Variants in ZNF224 observed in about 807,000 individuals in gnomAD.
ZNF224 encodes bone marrow zinc finger 2.
In ZNF224, 8 loss-of-function variants were observed where a neutral mutation model predicts 10.5. That is an observed-to-expected ratio of 0.76 (90% confidence interval 0.45 to 1.37). ZNF224 has a LOEUF of 1.37. ZNF224 is among the 40% of genes most tolerant of loss of function. The pLI is 0.00. For synonymous variants in ZNF224, 282 were observed against 287.8 expected, an observed-to-expected ratio of 0.98 and a Z score of 0.20; for missense variants, 754 against 854.0, an observed-to-expected ratio of 0.88 and a Z score of 1.46.
In ZNF224 at chr19:44,109,022, A is replaced by G. The variant is rs1331178855; in HGVS notation, c.*738A>G. ...CCCCCATCCTGTGCTCTGAAGTCAG[A>G]GTATTATTTGTGGCTCTATGAAATG... is the stretch of plus-strand genomic sequence containing the variant. On this transcript the variant is annotated 3_prime_UTR_variant, in exon 6 of 6. Transcript: ENST00000693561. 1.0e-5 allele frequency: 2 copies of G among 198,484 alleles called. No individual in the cohort carries two copies. Among genetic ancestry groups the G allele is most frequent in the Non-Finnish European group, 1.1e-5 (1 of 93,944 alleles). The allele number at this position is 198,484 out of a possible 1,614,324, so 12.3% of individuals were successfully genotyped here. A position where few individuals can be genotyped will look rare whatever the true frequency, so the allele number is the denominator to read the frequency against.
intron 5 of ZNF224, 151 bp downstream of exon 5, chr19:44,101,376 TTCACA>T (rs1967547632): frequency 2.8e-6 from 2 of 717,850 alleles, no homozygotes; most frequent in Non-Finnish European, 4.6e-6. Flanking sequence ...GCCACCCGCC[TTCACA>T]TCCTGACATC....
intron 2 of ZNF224, among the ~76,000 whole-genome samples, chr19:44,096,774 C>T (rs913703432): frequency 6.6e-6 from 1 of 152,082 alleles, no homozygotes; most frequent in African/African-American, 2.4e-5. Context: ...GATTCTACAC[C>T]CTTTGTCTTT....
intron 4 of ZNF224, 42 bp from the exon 5 acceptor site, chr19:44,101,091 A>G: frequency 6.2e-7 from 1 of 1,611,976 alleles, no homozygotes; most frequent in South Asian, 1.1e-5. Context: ...GATATTACCT[A>G]GAATGTGTTG....
chr19:44,108,630 T>C lies in ZNF224; in HGVS notation c.*346T>C. 2 of 498,996 alleles carry C rather than the reference T, an allele frequency of 4.0e-6. No individual in the cohort carries two copies. The highest frequency in any genetic ancestry group is 4.1e-6 in the Non-Finnish European group (1 of 246,680). The allele number at this position is 498,996 out of a possible 1,614,324, so 30.9% of individuals were successfully genotyped here. On this transcript the variant is annotated 3_prime_UTR_variant, in exon 6 of 6. Coordinates refer to ENST00000693561, the MANE Select transcript of ZNF224 (RefSeq NM_001321645.3). ...AGGCCTTAGAAAGAGTAAGAGTTCA[T>C]GAATTTACCAGACTAATGGTGGACA...
intron 3 of ZNF224, among the ~76,000 whole-genome samples, chr19:44,100,442 C>T (rs555311237): frequency 8.5e-5 from 13 of 152,124 alleles, no homozygotes; most frequent in Admixed American, 2.0e-4. Flanking sequence ...CATTATCAAA[C>T]AAAGTCAGGA....
chr19:44,108,706 A>G lies in ZNF224; in HGVS notation c.*422A>G, dbSNP rs1450956768. 5.8e-6 allele frequency: 3 copies of G among 519,322 alleles called. No homozygotes were observed. The highest frequency in any genetic ancestry group is 3.9e-5 in the African/African-American group (2 of 51,718). The allele number at this position is 519,322 out of a possible 1,614,324, so 32.2% of individuals were successfully genotyped here. On this transcript the variant is annotated 3_prime_UTR_variant, in exon 6 of 6. Transcript: ENST00000693561. ...GTAAACTACATGTGTCTTTGCTGCTAAGTCGTCACAGCCTTAACATTGATT... is the reference window on the plus strand; with the variant it reads ...GTAAACTACATGTGTCTTTGCTGCTGAGTCGTCACAGCCTTAACATTGATT...
In ZNF224 at chr19:44,108,713, C is replaced by T. The variant is rs1382585962; in HGVS notation, c.*429C>T. 4 of 518,624 alleles carry T rather than the reference C, an allele frequency of 7.7e-6. No individual in the cohort carries two copies. The highest frequency in any genetic ancestry group is 1.5e-5 in the Non-Finnish European group (4 of 260,226). 32.1% of individuals were successfully genotyped at this position (518,624 alleles called of 1,614,324 possible). ...ACATGTGTCTTTGCTGCTAAGTCGT[C>T]ACAGCCTTAACATTGATTAGCACTT... On this transcript the variant is annotated 3_prime_UTR_variant, in exon 6 of 6. Transcript: ENST00000693561.
intron 3 of ZNF224, among the ~76,000 whole-genome samples, chr19:44,100,511 G>A (rs1967525292): frequency 6.6e-6 from 1 of 152,214 alleles, no homozygotes; most frequent in Non-Finnish European, 1.5e-5. Context: ...ATATATATGT[G>A]TAGCCCAGGA....
At chr19:44,098,859 G>A (rs1022485547) in intron 3 of ZNF224, among the ~76,000 whole-genome samples, 3 of 152,222 alleles carry the variant, frequency 2.0e-5, no homozygotes, top group East Asian at 1.9e-4. Flanking sequence ...AATTACAGGC[G>A]TGAGCCACCG....
rs1967754909 is a variant in ZNF224 at position 44,108,521 on chromosome 19, G to GACCA, written c.*238_*241dup. On this transcript the variant is annotated 3_prime_UTR_variant, in exon 6 of 6. Coordinates refer to ENST00000693561, the MANE Select transcript of ZNF224 (RefSeq NM_001321645.3). ...GCTCAGCATGCCCCAGTAGTCTCAG[G>GACCA]ACCACCATAATGGAGAATCCTTGTA... The GACCA allele has an allele frequency of 3.8e-6, 2 of 532,874 alleles. No individual in the cohort carries two copies. Among genetic ancestry groups the GACCA allele is most frequent in the South Asian group, 4.2e-5 (2 of 47,172 alleles). 33.0% of individuals were successfully genotyped at this position (532,874 alleles called of 1,614,324 possible).
Position 44,097,787 on chromosome 19 carries a change from C to T in ZNF224, c.-68-19C>T. On this transcript the variant is annotated intron_variant, in intron 2 of 5. Transcript: ENST00000693561. ...CACCTTTTCATGTCTCTTTTTCTGCCTTTCCTGGCACTTTGCAGGCACAAT... is the reference window on the plus strand; with the variant it reads ...CACCTTTTCATGTCTCTTTTTCTGCTTTTCCTGGCACTTTGCAGGCACAAT... 4.0e-6 allele frequency: 6 copies of T among 1,512,572 alleles called. No individual in the cohort carries two copies. The highest frequency in any genetic ancestry group is 5.5e-6 in the Non-Finnish European group (6 of 1,096,836). The allele number at this position is 1,512,572 out of a possible 1,614,324, so 93.7% of individuals were successfully genotyped here.
In ZNF224 at chr19:44,106,425, G is replaced by A. The variant is rs1166181411; in HGVS notation, c.265G>A (p.Val89Ile). The change falls in exon 6 of 6, where the codon GTT becomes ATT. Residue 89 changes from valine (V) to isoleucine (I), a missense_variant. Transcript: ENST00000693561. ...GDKIQTEMET[V>I]SEAGTHQEWS... ...CAAGATCCAAACTGAGATGGAGACT[G>A]TTTCAGAAGCAGGAACACATCAAGA... 4 of 1,614,174 alleles carry A rather than the reference G, an allele frequency of 2.5e-6. No individual in the cohort carries two copies. The highest frequency in any genetic ancestry group is 3.4e-6 in the Non-Finnish European group (4 of 1,180,026).
At position 44,108,017 on chromosome 19, in the gene ZNF224, C is replaced by G. The variant is rs2147537868; in HGVS notation, c.1857C>G (p.Ser619Arg). 6.2e-7 allele frequency: 1 copy of G among 1,614,170 alleles called. No homozygotes were observed. The highest frequency in any genetic ancestry group is 2.2e-5 in the East Asian group (1 of 44,874). ...STRLTHQRRH[S>R]RETPLKCEQH... ...GTCTGACCCATCAGAGACGCCACAG[C>G]AGAGAAACACCTCTCAAATGTGAGC... is the stretch of plus-strand genomic sequence containing the variant. Residue 619 changes from serine to arginine, a missense_variant, in exon 6 of 6, where the codon AGC (serine) becomes AGG (arginine). Physicochemically the swap from Ser to Arg is moderately radical, Grantham distance 110. Transcript: ENST00000693561.
chr19:44,106,291 G>A, intron 5 of ZNF224, 105 bp from the exon 6 acceptor site: 3 of 1,195,296 alleles, frequency 2.5e-6, no homozygotes, highest in East Asian at 2.4e-5. Context: ...CAAACTGAAT[G>A]TTGTCTATAC....
chr19:44,101,269 T>C, intron 5 of ZNF224, 44 bp downstream of exon 5: 1 of 1,582,180 alleles, frequency 6.3e-7, no homozygotes, highest in Non-Finnish European at 8.7e-7. Context: ...CTCTTCCACC[T>C]GTTTCACTTC....
intron 5 of ZNF224, chr19:44,105,832 T>A (rs1051811841): frequency 1.3e-5 from 2 of 153,772 alleles, no homozygotes; most frequent in African/African-American, 4.8e-5. Flanking sequence ...TCCAAGTTGC[T>A]GCAAAAGACA....
intron 5 of ZNF224, among the ~76,000 whole-genome samples, chr19:44,103,323 A>G (rs1193783590): frequency 6.6e-6 from 1 of 152,196 alleles, no homozygotes; most frequent in African/African-American, 2.4e-5. Context: ...TTTTTCCAAG[A>G]TTCAACCTTG....
rs140648565 is a variant in ZNF224, at chr19:44,107,667, C to T, written c.1507C>T (p.Gln503Ter). Reference sequence around the variant, plus strand: ...TCAAAATTCACATCTTCATTCCCATCAGAGAGTTCACACTGGAGAAAAGCC... The same window carrying T: ...TCAAAATTCACATCTTCATTCCCATTAGAGAGTTCACACTGGAGAAAAGCC... ...FTQNSHLHSH[Q>*]RVHTGEKPYK... The change falls in exon 6 of 6, where the codon CAG (glutamine) becomes TAG (stop). Residue 503 changes from glutamine to a stop codon, truncating the protein, a stop_gained. Coordinates refer to ENST00000693561, the MANE Select transcript of ZNF224 (RefSeq NM_001321645.3). LOFTEE classifies it low-confidence loss of function (END_TRUNC). 4 of 1,613,914 alleles carry T rather than the reference C, an allele frequency of 2.5e-6. No individual in the cohort carries two copies. Among genetic ancestry groups the T allele is most frequent in the South Asian group, 2.2e-5 (2 of 91,064 alleles).
At chr19:44,101,103 G>T in intron 4 of ZNF224, 30 bp from the exon 5 acceptor site, 1 of 1,612,992 alleles carries the variant, frequency 6.2e-7, no homozygotes, top group South Asian at 1.1e-5. Flanking sequence ...AATGTGTTGG[G>T]ATTAAGCATG....
Sources: gnomAD v4.1 joint callset for allele counts (sites outside exome capture counted in the v4.1 genomes callset) on GRCh38, gnomAD v4.1.1 for gene constraint, MANE v1.5 for transcripts, NCBI Gene and HGNC (gene_info 2026-07-23, HGNC 2026-07-21) for gene names.